Variants in ERC2 observed in about 807,000 individuals in gnomAD.
The protein encoded by ERC2 is ELKS/RAB6-interacting/CAST family member 2.
ERC2 carries 42 observed loss-of-function variants against 114.8 expected under a neutral mutation model. The observed-to-expected ratio is 0.37, with a 90% CI of 0.29 to 0.47. The LOEUF is 0.47. ERC2 is among the 20% of genes least tolerant of loss of function. The pLI, the probability that ERC2 is intolerant of heterozygous loss-of-function variation, is 0.99. For missense variants in ERC2, 939 were observed against 1,150.7 expected (o/e 0.82, Z 2.66); for synonymous variants, 454 against 425.5 (o/e 1.07, Z -0.82).
chr3:55,831,386 A>AGGGGAGGGGATGGGAAGGGAAGGGAG (rs2060571503), intron 14 of ERC2, among the ~76,000 whole-genome samples: 1 of 52,826 alleles, frequency 1.9e-5, no homozygotes, highest in African/African-American at 9.5e-5. Context: ...AGGGAAGGGA[A>AGGGGAGGGGATGGGAAGGGAAGGGAG]GGAAGGGGAG....
chr3:56,268,101 G>A (rs1486942665), intron 3 of ERC2, among the ~76,000 whole-genome samples: 1 of 152,096 alleles, frequency 6.6e-6, no homozygotes, highest in South Asian at 2.1e-4. Flanking sequence ...CTCGATAAAT[G>A]ACGGACCACA....
intron 7 of ERC2, among the ~76,000 whole-genome samples, chr3:56,022,096 G>A (rs2073758907): frequency 6.6e-6 from 1 of 152,112 alleles, no homozygotes; most frequent in Non-Finnish European, 1.5e-5. Flanking sequence ...CCAGTAATGG[G>A]ATATTGGCAT....
At chr3:55,513,895 A>AT (rs1391523523) in intron 17 of ERC2, among the ~76,000 whole-genome samples, 3 of 152,008 alleles carry the variant, frequency 2.0e-5, no homozygotes, top group African/African-American at 7.2e-5. Flanking sequence ...TCAGGCTCCC[A>AT]AAGTGCTGGG....
intron 17 of ERC2, among the ~76,000 whole-genome samples, chr3:55,573,445 G>A (rs2056823746): frequency 6.6e-6 from 1 of 152,162 alleles, no homozygotes; most frequent in Non-Finnish European, 1.5e-5. Context: ...CATCTGGAGT[G>A]ATGATGTGAA....
intron 14 of ERC2, among the ~76,000 whole-genome samples, chr3:55,838,118 A>C (rs1228307119): frequency 6.6e-6 from 1 of 152,106 alleles, no homozygotes; most frequent in Non-Finnish European, 1.5e-5. Context: ...TTTACTTTGG[A>C]CTTTAACACT....
chr3:55,815,119 G>C (rs1464882173), intron 14 of ERC2, among the ~76,000 whole-genome samples: 1 of 152,140 alleles, frequency 6.6e-6, no homozygotes, highest in East Asian at 1.9e-4. Flanking sequence ...GCCTAACATA[G>C]AGCAGCCACC....
At chr3:55,902,001 C>T (rs2064161014) in intron 13 of ERC2, among the ~76,000 whole-genome samples, 2 of 152,168 alleles carry the variant, frequency 1.3e-5, no homozygotes, top group South Asian at 4.1e-4. Flanking sequence ...CAAACCATCA[C>T]ACACAAACAC....
At chr3:56,441,335 A>G (rs934036482) in intron 1 of ERC2, among the ~76,000 whole-genome samples, 1 of 152,192 alleles carries the variant, frequency 6.6e-6, no homozygotes, top group African/African-American at 2.4e-5. Flanking sequence ...TGCATGAATA[A>G]CAGCCATCAC....
chr3:56,065,050 T>C (rs2076408117), intron 7 of ERC2, among the ~76,000 whole-genome samples: 1 of 152,184 alleles, frequency 6.6e-6, no homozygotes, highest in East Asian at 1.9e-4. Context: ...ACTCAGGGTT[T>C]AATGAGGAGA....
At chr3:55,539,212 C>A (rs934165214) in intron 17 of ERC2, among the ~76,000 whole-genome samples, 13 of 151,996 alleles carry the variant, frequency 8.6e-5, no homozygotes, top group African/African-American at 2.9e-4. Flanking sequence ...CATAAAAGCC[C>A]AATGCTGGAA....
At chr3:56,437,509 G>A (rs1324200393) in intron 1 of ERC2, among the ~76,000 whole-genome samples, 1 of 152,208 alleles carries the variant, frequency 6.6e-6, no homozygotes, top group Non-Finnish European at 1.5e-5. Context: ...AATTCTAGAT[G>A]AGATTTCTGT....
rs2059879332 is a variant in ERC2, at chr3:55,634,477, G to A, written c.*39+49317C>T. ...CACATGAAAGATGTAATCTTGACAA[G>A]CCATTTAGAATCTCTTCTAAAAAAA... is the stretch of plus-strand genomic sequence containing the variant. On this transcript the variant is annotated intron_variant, in intron 17 of 17. Transcript: ENST00000288221. Among the ~76,000 whole-genome samples, 2 of 152,072 alleles carry A rather than the reference G, an allele frequency of 1.3e-5. 1 individual carries two copies. Among genetic ancestry groups the A allele is most frequent in the South Asian group, 4.1e-4 (2 of 4,820 alleles).
intron 17 of ERC2, among the ~76,000 whole-genome samples, chr3:55,651,939 T>C (rs2060640882): frequency 6.6e-6 from 1 of 152,222 alleles, no homozygotes; most frequent in African/African-American, 2.4e-5. Context: ...CCCAGCCTTG[T>C]AGATTAGCTC....
intron 17 of ERC2, among the ~76,000 whole-genome samples, chr3:55,570,179 T>G (rs1318285312): frequency 6.6e-6 from 1 of 152,106 alleles, no homozygotes; most frequent in African/African-American, 2.4e-5. Context: ...TTATATTCAT[T>G]GAGTCTCTCC....
In ERC2 at chr3:55,709,065, C is replaced by G. The variant is rs145456736; in HGVS notation, c.2713-9553G>C. On this transcript the variant is annotated intron_variant, in intron 15 of 17. Transcript: ENST00000288221. ...TTTATTATCACTGGTTTAGGGAGAACTGGCATCATCAAAACAGCTCCCTAA... is the reference window on the plus strand; with the variant it reads ...TTTATTATCACTGGTTTAGGGAGAAGTGGCATCATCAAAACAGCTCCCTAA... Among the ~76,000 whole-genome samples, 1,027 of 152,280 alleles carry G rather than the reference C, an allele frequency of 6.7e-3. 36 individuals are homozygous for G. In the South Asian group the frequency reaches 0.075, roughly 11 times the overall value.
chr3:56,340,259 C>A (rs1553925311), intron 2 of ERC2, among the ~76,000 whole-genome samples: 3 of 151,918 alleles, frequency 2.0e-5, no homozygotes, highest in South Asian at 4.2e-4. Flanking sequence ...ATGATATATC[C>A]TGATAGATAC....
intron 2 of ERC2, among the ~76,000 whole-genome samples, chr3:56,305,620 T>A (rs1560559680): frequency 6.6e-6 from 1 of 151,716 alleles, no homozygotes; most frequent in Admixed American, 6.6e-5. Flanking sequence ...AGGATGTTGA[T>A]CAATAAGAAC....
At chr3:56,399,900 T>C (rs2060457512) in intron 2 of ERC2, among the ~76,000 whole-genome samples, 1 of 152,092 alleles carries the variant, frequency 6.6e-6, no homozygotes, top group Admixed American at 6.6e-5. Context: ...AGGGAAACTA[T>C]AGGACAAACA....
intron 14 of ERC2, among the ~76,000 whole-genome samples, chr3:55,834,909 C>A (rs181880034): frequency 0.14 from 20,624 of 142,918 alleles, 1,741 homozygotes; most frequent in Middle Eastern, 0.21. Context: ...AAAAAATGAT[C>A]AAGGGGATAT....
Sources: gnomAD v4.1 joint callset for allele counts (sites outside exome capture counted in the v4.1 genomes callset) on GRCh38, gnomAD v4.1.1 for gene constraint, MANE v1.5 for transcripts, NCBI Gene and HGNC (gene_info 2026-07-23, HGNC 2026-07-21) for gene names.